NSUN6: variants seen among roughly 807,000 people sequenced by gnomAD.
The protein encoded by NSUN6 is tRNA (cytosine(72)-C(5))-methyltransferase NSUN6.
A neutral mutation model predicts 58.0 loss-of-function variants in NSUN6; 64 were observed. The ratio of observed to expected loss-of-function variants is 1.10; its 90% CI spans 0.90 to 1.36. The LOEUF is 1.36. NSUN6 is among the 40% of genes most tolerant of loss of function. NSUN6 has a pLI of 0.00. For missense variants in NSUN6, 701 were observed against 550.1 expected, an observed-to-expected ratio of 1.27 and a Z score of -2.74; for synonymous variants, 231 against 193.9, an observed-to-expected ratio of 1.19 and a Z score of -1.59.
At chr10:18,650,815 A>C (rs746482690) in intron 1 of NSUN6, among the ~76,000 whole-genome samples, 8 of 152,264 alleles carry the variant, frequency 5.3e-5, no homozygotes, top group Non-Finnish European at 1.0e-4. Flanking sequence ...GCGCTCTTTT[A>C]AAATTCGATT....
intron 8 of NSUN6, among the ~76,000 whole-genome samples, chr10:18,580,066 G>T (rs1272518554): frequency 6.6e-6 from 1 of 152,092 alleles, no homozygotes; most frequent in Non-Finnish European, 1.5e-5. Flanking sequence ...TGTAATTTAG[G>T]AACAATTTTG....
chr10:18,573,263 A>G (rs1183208784), intron 8 of NSUN6, among the ~76,000 whole-genome samples: 1 of 145,668 alleles, frequency 6.9e-6, no homozygotes, highest in Non-Finnish European at 1.5e-5. Context: ...TCCATTGTCC[A>G]TTGCATTCCA....
intron 3 of NSUN6, 149 bp downstream of exon 3, chr10:18,642,327 G>C (rs1366770242): frequency 1.8e-6 from 1 of 555,996 alleles, no homozygotes; most frequent in Non-Finnish European, 3.2e-6. Flanking sequence ...AGAGTCTAAA[G>C]TCTGCATTTA....
chr10:18,556,817 G>T (rs890633957), intron 8 of NSUN6, among the ~76,000 whole-genome samples: 1 of 150,374 alleles, frequency 6.7e-6, no homozygotes, highest in Non-Finnish European at 1.5e-5. Flanking sequence ...CTGAAATGGA[G>T]AGTGGAATGC....
At chr10:18,563,486 G>A (rs760192193) in intron 8 of NSUN6, among the ~76,000 whole-genome samples, 2 of 151,162 alleles carry the variant, frequency 1.3e-5, no homozygotes, top group Non-Finnish European at 3.0e-5. Flanking sequence ...AATGGAGAAT[G>A]GAATAGAATG....
chr10:18,597,113 C>T (rs1590003562), intron 6 of NSUN6, among the ~76,000 whole-genome samples: 1 of 152,070 alleles, frequency 6.6e-6, no homozygotes, highest in Admixed American at 6.6e-5. Flanking sequence ...TGACTGGGAC[C>T]TAAATATATA....
intron 8 of NSUN6, among the ~76,000 whole-genome samples, chr10:18,570,299 C>T (rs1201646306): frequency 6.6e-6 from 1 of 151,232 alleles, no homozygotes; most frequent in Non-Finnish European, 1.5e-5. Flanking sequence ...CATTCCACAC[C>T]ATTCTCCATT....
At chr10:18,628,944 C>A (rs897469220) in intron 3 of NSUN6, among the ~76,000 whole-genome samples, 1 of 152,068 alleles carries the variant, frequency 6.6e-6, no homozygotes, top group Non-Finnish European at 1.5e-5. Context: ...CTCCAAGACA[C>A]ATAATTGTCA....
At chr10:18,623,607 A>T (rs2058685484) in intron 3 of NSUN6, among the ~76,000 whole-genome samples, 1 of 152,200 alleles carries the variant, frequency 6.6e-6, no homozygotes, top group African/African-American at 2.4e-5. Context: ...TTCAGAGGAG[A>T]CAAGTGTGAA....
At chr10:18,566,003 CCCATTCCATTCTCTATT>C (rs1330365106) in intron 8 of NSUN6, among the ~76,000 whole-genome samples, 34 of 94,572 alleles carry the variant, frequency 3.6e-4, no homozygotes, top group African/African-American at 9.8e-4. Flanking sequence ...CATTACAATC[CCCATTCCATTCTCTATT>C]CCATTCCATT....
chr10:18,564,021 C>A (rs1311935657), intron 8 of NSUN6, among the ~76,000 whole-genome samples: 3 of 151,312 alleles, frequency 2.0e-5, no homozygotes, highest in African/African-American at 4.8e-5. Context: ...ATTCTATTCT[C>A]CATTACATTT....
intron 7 of NSUN6, among the ~76,000 whole-genome samples, chr10:18,594,210 A>AG (rs1244861175): frequency 1.3e-5 from 2 of 151,736 alleles, no homozygotes; most frequent in African/African-American, 4.8e-5. Context: ...AAAAAAAAAA[A>AG]AAAAGAAAGC....
chr10:18,562,300 G>A (rs1438505113), intron 8 of NSUN6, among the ~76,000 whole-genome samples: 1 of 150,688 alleles, frequency 6.6e-6, no homozygotes, highest in Non-Finnish European at 1.5e-5. Flanking sequence ...GAATGCAACG[G>A]AGAATGGAAT....
chr10:18,645,028 C>T (rs948888033), intron 2 of NSUN6, among the ~76,000 whole-genome samples: 3 of 150,514 alleles, frequency 2.0e-5, no homozygotes, highest in Non-Finnish European at 4.4e-5. Context: ...TGTCTTTGAG[C>T]GCACCTGTAA....
intron 8 of NSUN6, among the ~76,000 whole-genome samples, chr10:18,570,645 C>T (rs537177054): frequency 5.4e-4 from 81 of 150,742 alleles, no homozygotes; most frequent in African/African-American, 1.5e-3. Context: ...ATTCTCCATA[C>T]CATCATCCAT....
intron 8 of NSUN6, among the ~76,000 whole-genome samples, chr10:18,574,463 T>C (rs1030355867): frequency 6.6e-6 from 1 of 152,084 alleles, no homozygotes; most frequent in Non-Finnish European, 1.5e-5. Flanking sequence ...TTTAATTTAT[T>C]ATCATACAAA....
At chr10:18,603,627 G>A (rs954238132) in intron 6 of NSUN6, among the ~76,000 whole-genome samples, 9 of 151,530 alleles carry the variant, frequency 5.9e-5, no homozygotes, top group African/African-American at 1.9e-4. Context: ...CCGCCACCAT[G>A]CCCAGCTGAT....
At chr10:18,654,899 A>G (rs150000264), upstream of NSUN6, 902 of 188,430 alleles carry the variant, frequency 4.8e-3, 11 homozygotes, top group African/African-American at 0.02. Flanking sequence ...ATAAAATTAA[A>G]AAGTCTGGAA....
In NSUN6 at chr10:18,545,868, T is replaced by TAA; in HGVS notation, c.*63_*64dup. ...TCAGTTGGCCTGACAACACTTTGGT[T>TAA]AAAAAAAAAAAAACCACAGACAGCA... On this transcript the variant is annotated 3_prime_UTR_variant, in exon 11 of 11. Transcript: ENST00000377304. The TAA allele has an allele frequency of 4.2e-4, 305 of 731,690 alleles. 37 individuals are homozygous for TAA. The highest frequency in any genetic ancestry group is 8.9e-4 in the Admixed American group (34 of 38,080). 45.3% of individuals were successfully genotyped at this position (731,690 alleles called of 1,614,324 possible). A position where few individuals can be genotyped will look rare whatever the true frequency, so the allele number is the denominator to read the frequency against.
Sources: gnomAD v4.1 joint callset for allele counts (sites outside exome capture counted in the v4.1 genomes callset) on GRCh38, gnomAD v4.1.1 for gene constraint, MANE v1.5 for transcripts, NCBI Gene and HGNC (gene_info 2026-07-23, HGNC 2026-07-21) for gene names.